Variants in UTRN observed in about 807,000 individuals in gnomAD.
The protein encoded by UTRN is dystrophin-related protein 1.
UTRN carries 283 observed loss-of-function variants against 463.9 expected under a neutral mutation model. That is an observed-to-expected ratio of 0.61 (90% CI 0.55 to 0.67). UTRN has a LOEUF of 0.67. Among genes scored for constraint, UTRN ranks in the 30% least tolerant of loss-of-function variants. UTRN has a pLI of 0.00. For missense variants in UTRN, 3,922 were observed against 4,084.3 expected, an observed-to-expected ratio of 0.96 and a Z score of 1.08; for synonymous variants, 1,442 against 1,431.5, an observed-to-expected ratio of 1.01 and a Z score of -0.17.
intron 47 of UTRN, among the ~76,000 whole-genome samples, chr6:144,549,077 G>A (rs1585221314): frequency 1.3e-5 from 2 of 152,290 alleles, no homozygotes; most frequent in East Asian, 3.9e-4. Flanking sequence ...TAAAGACCCA[G>A]TGCATTTTTA....
intron 2 of UTRN, among the ~76,000 whole-genome samples, chr6:144,309,449 G>C (rs897822275): frequency 5.3e-5 from 8 of 152,310 alleles, no homozygotes; most frequent in Middle Eastern, 3.4e-3. Flanking sequence ...GCTTGTCTCA[G>C]ATAAAGGCAA....
chr6:144,825,425 A>G (rs1001060125), intron 66 of UTRN, among the ~76,000 whole-genome samples: 3 of 152,244 alleles, frequency 2.0e-5, no homozygotes, highest in Non-Finnish European at 2.9e-5. Context: ...CTTTTTTTCT[A>G]CAAATCAAAA....
intron 52 of UTRN, among the ~76,000 whole-genome samples, chr6:144,689,097 C>T (rs1783052556): frequency 1.3e-5 from 2 of 152,210 alleles, no homozygotes; most frequent in Admixed American, 1.3e-4. Context: ...ATACCTCTTT[C>T]CATCTGTAGG....
At chr6:144,785,096 A>G (rs905702611) in intron 61 of UTRN, among the ~76,000 whole-genome samples, 2 of 152,234 alleles carry the variant, frequency 1.3e-5, no homozygotes, top group Admixed American at 6.5e-5. Context: ...TTTTCAACCA[A>G]TAATTTTCTT....
intron 1 of UTRN, among the ~76,000 whole-genome samples, chr6:144,287,924 C>T (rs1803848151): frequency 2.0e-5 from 3 of 152,240 alleles, no homozygotes; most frequent in Non-Finnish European, 2.9e-5. Flanking sequence ...CTCAGTTTCT[C>T]ACCTAGCCTT....
At chr6:144,643,727 G>A (rs1264030331) in intron 51 of UTRN, among the ~76,000 whole-genome samples, 1 of 151,870 alleles carries the variant, frequency 6.6e-6, no homozygotes, top group Non-Finnish European at 1.5e-5. Context: ...AACCCGGGCG[G>A]TGGAGGTTAC....
chr6:144,295,056 G>A (rs1451383351), intron 2 of UTRN, among the ~76,000 whole-genome samples: 2 of 152,116 alleles, frequency 1.3e-5, no homozygotes, highest in Non-Finnish European at 2.9e-5. Context: ...TCATCATCAA[G>A]TACTGTATTA....
Position 144,735,054 on chromosome 6 carries a change from A to G in UTRN, c.7939+4568A>G, listed in dbSNP as rs80240299. On this transcript the variant is annotated intron_variant, in intron 54 of 74. Coordinates refer to ENST00000367545, the MANE Select transcript of UTRN (RefSeq NM_007124.3). ...TTACATAGTGTTTGAAAGAATACGCATGAGCTGAGCACTGTCCAAGATGGA... is the reference window on the plus strand; with the variant it reads ...TTACATAGTGTTTGAAAGAATACGCGTGAGCTGAGCACTGTCCAAGATGGA... Among the ~76,000 whole-genome samples the G allele has an allele frequency of 1.4e-3, 211 of 152,348 alleles. 1 individual carries two copies. Among genetic ancestry groups the G allele is most frequent in the African/African-American group, 4.9e-3 (202 of 41,574 alleles).
chr6:144,554,521 A>G (rs1405107571), intron 48 of UTRN, among the ~76,000 whole-genome samples, 167 bp from the exon 49 acceptor site: 2 of 152,176 alleles, frequency 1.3e-5, no homozygotes, highest in Admixed American at 6.5e-5. Context: ...AAATATATCA[A>G]TTGTATAGGA....
At chr6:144,485,246 G>GT (rs1792316144) in intron 27 of UTRN, 139 bp from the exon 28 acceptor site, 3 of 1,298,952 alleles carry the variant, frequency 2.3e-6, no homozygotes, top group Non-Finnish European at 3.2e-6. Context: ...TTTTTTTGAA[G>GT]TTTCAACTCC....
In UTRN at chr6:144,645,655, A is replaced by T. The variant is rs76315170; in HGVS notation, c.7480-32751A>T. Among the ~76,000 whole-genome samples the T allele has an allele frequency of 2.2e-3, 329 of 152,350 alleles. 10 individuals are homozygous for T. The East Asian group carries it at 0.051, about 24-fold the overall frequency. On this transcript the variant is annotated intron_variant, in intron 51 of 74. Coordinates refer to ENST00000367545, the MANE Select transcript of UTRN (RefSeq NM_007124.3). ...GAAAAAATAAAAGGATCTGGAGAAG[A>T]CACCCTTAAAGGTGATGATCAAGAA... is the stretch of plus-strand genomic sequence containing the variant.
At chr6:144,705,370 A>G (rs1784986484) in intron 53 of UTRN, among the ~76,000 whole-genome samples, 1 of 152,214 alleles carries the variant, frequency 6.6e-6, no homozygotes, top group Non-Finnish European at 1.5e-5. Flanking sequence ...TTTGGGCTGC[A>G]GTAACAAAAT....
rs111591371 is a variant in UTRN, at chr6:144,582,854, G to C, written c.7479+5566G>C. ...TTTAGGTGATTTTGGGCTGAGATCT[G>C]TCTGGGGGTGATTTTTTAGCACTTA... On this transcript the variant is annotated intron_variant, in intron 51 of 74. Coordinates refer to ENST00000367545, the MANE Select transcript of UTRN (RefSeq NM_007124.3). 6.4e-3 allele frequency among the ~76,000 whole-genome samples: 972 copies of C among 152,186 alleles called. 12 individuals carry two copies. Among genetic ancestry groups the C allele is most frequent in the African/African-American group, 0.021 (874 of 41,508 alleles).
chr6:144,717,198 T>G (rs927858375), intron 53 of UTRN, among the ~76,000 whole-genome samples: 2 of 152,212 alleles, frequency 1.3e-5, no homozygotes, highest in Non-Finnish European at 2.9e-5. Context: ...TTGTTAGCAG[T>G]AAAATACTAG....
At position 144,622,181 on chromosome 6, in the gene UTRN, G is replaced by GTTT. The variant is rs1290959363; in HGVS notation, c.7479+44895_7479+44896insTTT. On this transcript the variant is annotated intron_variant, in intron 51 of 74. Coordinates refer to ENST00000367545, the MANE Select transcript of UTRN (RefSeq NM_007124.3). The stretch of plus-strand genomic sequence containing the variant: ...CAATAGATGGTATCCATTTTTTTTT[G>GTTT]TTGTTTTTTTTTTTTTTTTTTTTTG... Among the ~76,000 whole-genome samples the GTTT allele has an allele frequency of 1.7e-3, 123 of 73,684 alleles. 3 individuals are homozygous for GTTT. The highest frequency in any genetic ancestry group is 8.1e-3 in the Middle Eastern group (1 of 124). The allele number at this position is 73,684 out of a possible 152,430, so 48.3% of individuals were successfully genotyped here.
intron 73 of UTRN, among the ~76,000 whole-genome samples, chr6:144,841,487 G>C (rs894055279): frequency 2.6e-5 from 4 of 152,126 alleles, no homozygotes; most frequent in Admixed American, 1.3e-4. Context: ...TTTTTTCCAA[G>C]TGTTTTGTCT....
intron 73 of UTRN, 107 bp downstream of exon 73, chr6:144,840,939 C>T (rs1781522694): frequency 1.8e-6 from 2 of 1,137,332 alleles, no homozygotes; most frequent in Admixed American, 2.1e-5. Context: ...AACCTTATTA[C>T]AAACAGGACT....
At chr6:144,549,290 G>A (rs1169516138) in intron 47 of UTRN, among the ~76,000 whole-genome samples, 1 of 152,140 alleles carries the variant, frequency 6.6e-6, no homozygotes, top group African/African-American at 2.4e-5. Context: ...ATATTCATTT[G>A]TAAAAATTCT....
intron 51 of UTRN, among the ~76,000 whole-genome samples, chr6:144,630,664 T>A (rs1027243763): frequency 6.6e-6 from 1 of 152,042 alleles, no homozygotes. Flanking sequence ...ATCATCCTGA[T>A]ACAAAACAGG....
Sources: allele counts gnomAD v4.1 joint callset (sites outside exome capture counted in the v4.1 genomes callset), GRCh38; gene constraint gnomAD v4.1.1; transcripts MANE v1.5; gene names NCBI Gene and HGNC (gene_info 2026-07-23, HGNC 2026-07-21).